The following IHO1 variants were observed in gnomAD, a reference collection of about 807,000 sequenced individuals.
The protein encoded by IHO1 is interactor of HORMAD1 protein 1.
IHO1 carries 13 observed loss-of-function variants against 31.0 expected under a neutral mutation model. The ratio of observed to expected loss-of-function variants is 0.42; its 90% confidence interval spans 0.27 to 0.67. The LOEUF (loss-of-function observed/expected upper bound fraction) is 0.67, where lower values mean the gene tolerates loss of function less well. Among genes scored for constraint, IHO1 ranks in the 30% least tolerant of loss-of-function variants. The pLI is 0.24. For missense variants in IHO1, 599 were observed against 687.5 expected, an observed-to-expected ratio of 0.87 and a Z score of 1.44; for synonymous variants, 221 against 248.4, an observed-to-expected ratio of 0.89 and a Z score of 1.04.
At chr3:49,255,062 C>CAA (rs371843773) in intron 6 of IHO1, among the ~76,000 whole-genome samples, 1 of 128,384 alleles carries the variant, frequency 7.8e-6, no homozygotes. Context: ...GTCTCCGTCT[C>CAA]AAAAAAAAAA....
At chr3:49,204,927 C>T (rs1171820207) in intron 1 of IHO1, among the ~76,000 whole-genome samples, 4 of 151,982 alleles carry the variant, frequency 2.6e-5, no homozygotes, top group Admixed American at 2.6e-4. Flanking sequence ...ACTTAGGAGG[C>T]TGAGGCAGGA....
chr3:49,254,571 CG>C (rs1559454184), intron 6 of IHO1, among the ~76,000 whole-genome samples: 2 of 142,744 alleles, frequency 1.4e-5, no homozygotes, highest in African/African-American at 2.6e-5. Context: ...TGATTGGTTG[CG>C]GGGGGCGGGG....
chr3:49,256,903 GT>G lies in IHO1; in HGVS notation c.1407del (p.Cys469Ter). 1 of 1,614,214 alleles carries G rather than the reference GT, an allele frequency of 6.2e-7. No homozygotes were observed. The highest frequency in any genetic ancestry group is 8.5e-7 in the Non-Finnish European group (1 of 1,180,040). On this transcript the variant is annotated frameshift_variant, in exon 8 of 8. Coordinates refer to ENST00000452691, the MANE Select transcript of IHO1 (RefSeq NM_001135197.2). LOFTEE classifies it low-confidence loss of function (END_TRUNC). The surrounding 1 kb of genome is among the most constrained non-coding windows in gnomAD (Gnocchi z 4.6). Reference sequence around the variant, plus strand: ...CAAAAACAAATCCCAATCCAGACCTGTAAATTCAATTCCAAATATCAGAGTC... The same window carrying G: ...CAAAAACAAATCCCAATCCAGACCTGAAATTCAATTCCAAATATCAGAGTC... ...SKQKQIPIQT[C>X]KFNSKYQSPQ...
intron 4 of IHO1, 32 bp from the exon 5 acceptor site, chr3:49,244,372 A>G: frequency 7.7e-7 from 1 of 1,299,952 alleles, no homozygotes; most frequent in Non-Finnish European, 1.1e-6. Flanking sequence ...TATTTCATAA[A>G]GATTTGTTTT....
upstream of IHO1, among the ~76,000 whole-genome samples, chr3:49,196,627 C>T (rs530698653): frequency 5.9e-5 from 9 of 151,784 alleles, no homozygotes; most frequent in African/African-American, 1.7e-4. Context: ...GGATTACAGG[C>T]GTGCGCCACC....
chr3:49,207,142 A>G (rs1385506230), intron 1 of IHO1, among the ~76,000 whole-genome samples: 2 of 150,140 alleles, frequency 1.3e-5, no homozygotes, highest in Admixed American at 1.3e-4. Flanking sequence ...CATCTGCTTT[A>G]GTTTGTTACT....
chr3:49,246,508 C>T (rs534182242), intron 6 of IHO1, among the ~76,000 whole-genome samples: 12 of 151,718 alleles, frequency 7.9e-5, no homozygotes, highest in Middle Eastern at 3.4e-3. Context: ...ATTAGCCAGG[C>T]GTGGTGGCAG....
chr3:49,211,772 C>CT lies in IHO1; in HGVS notation c.-8dup. On this transcript the variant is annotated 5_prime_UTR_variant, in exon 2 of 8. Transcript: ENST00000452691. Reference sequence around the variant, plus strand: ...CACCTATTCTTTCTAATAGGTATAACTATAAGAAATGAATTTTAATGTCTG... The same window carrying CT: ...CACCTATTCTTTCTAATAGGTATAACTTATAAGAAATGAATTTTAATGTCTG... The CT allele has an allele frequency of 6.9e-7, 1 of 1,445,982 alleles. No individual in the cohort carries two copies. Among genetic ancestry groups the CT allele is most frequent in the Non-Finnish European group, 9.7e-7 (1 of 1,028,088 alleles). 89.6% of individuals were successfully genotyped at this position (1,445,982 alleles called of 1,614,324 possible).
At position 49,200,768 on chromosome 3, in the gene IHO1, A is replaced by G. The variant is rs566367325; in HGVS notation, c.-16+1195A>G. On this transcript the variant is annotated intron_variant, in intron 1 of 7. Transcript: ENST00000452691. ...GCATTTCAGTTTTCATTTACCTTGG[A>G]ATGACCGTGTTCCACCTTAGAACGA... 5.3e-5 allele frequency among the ~76,000 whole-genome samples: 8 copies of G among 152,282 alleles called. No homozygotes were observed. In the South Asian group the frequency reaches 1.7e-3, roughly 32 times the overall value.
At chr3:49,194,671 G>T (rs1234477406), upstream of IHO1, among the ~76,000 whole-genome samples, 1 of 147,332 alleles carries the variant, frequency 6.8e-6, no homozygotes, top group East Asian at 2.1e-4. Context: ...CGAGGTGGGC[G>T]AATTGCTTCA....
intron 1 of IHO1, among the ~76,000 whole-genome samples, chr3:49,204,256 G>T (rs1354279665): frequency 2.0e-5 from 3 of 152,062 alleles, no homozygotes; most frequent in Non-Finnish European, 4.4e-5. Flanking sequence ...TTTTTGGAGG[G>T]GACATTTAAA....
chr3:49,201,235 C>T (rs1314123977), intron 1 of IHO1, among the ~76,000 whole-genome samples: 2 of 151,802 alleles, frequency 1.3e-5, no homozygotes, highest in Admixed American at 6.6e-5. Context: ...CCTCGTGATC[C>T]GCCTTTCTCA....
intron 2 of IHO1, among the ~76,000 whole-genome samples, chr3:49,232,193 C>T (rs1008601650): frequency 1.3e-5 from 2 of 152,198 alleles, no homozygotes; most frequent in African/African-American, 2.4e-5. Context: ...AAACACATTA[C>T]TGACATTCCA....
chr3:49,204,078 C>T (rs1470123962), intron 1 of IHO1, among the ~76,000 whole-genome samples: 1 of 152,134 alleles, frequency 6.6e-6, no homozygotes, highest in South Asian at 2.1e-4. Flanking sequence ...ATCTGGAGCT[C>T]ACTTTTATAA....
Position 49,257,512 on chromosome 3 carries a change from G to A in IHO1, c.*230G>A, listed in dbSNP as rs1177754710. Reference sequence around the variant, plus strand: ...TTTATTGGAATGAAATGTGAAAATGGTGCTGATGAAAACTGAGGCAGCAGC... The same window carrying A: ...TTTATTGGAATGAAATGTGAAAATGATGCTGATGAAAACTGAGGCAGCAGC... On this transcript the variant is annotated 3_prime_UTR_variant, in exon 8 of 8. Coordinates refer to ENST00000452691, the MANE Select transcript of IHO1 (RefSeq NM_001135197.2). The A allele has an allele frequency of 6.1e-6, 3 of 489,352 alleles. No individual in the cohort carries two copies. The highest frequency in any genetic ancestry group is 3.9e-5 in the African/African-American group (2 of 51,536). The allele number at this position is 489,352 out of a possible 1,614,324, so 30.3% of individuals were successfully genotyped here.
intron 1 of IHO1, among the ~76,000 whole-genome samples, chr3:49,204,353 G>A (rs887436862): frequency 1.3e-5 from 2 of 152,160 alleles, no homozygotes; most frequent in Non-Finnish European, 2.9e-5. Flanking sequence ...CTGCAGGGCT[G>A]GCTTCTGGAC....
rs201569793 is a variant in IHO1, at chr3:49,256,934, G to C, written c.1437G>C (p.Gln479His). 1.2e-5 allele frequency: 20 copies of C among 1,614,214 alleles called. No homozygotes were observed. The highest frequency in any genetic ancestry group is 1.7e-5 in the Non-Finnish European group (20 of 1,180,038). Residue 479 changes from glutamine (Q) to histidine (H), a missense_variant, in exon 8 of 8, where the codon CAG becomes CAC. Coordinates refer to ENST00000452691, the MANE Select transcript of IHO1 (RefSeq NM_001135197.2). The surrounding 1 kb of genome is among the most constrained non-coding windows in gnomAD (Gnocchi z 4.6). ...TCAATTCCAAATATCAGAGTCCTCAGCCTGCAATTTCTGTCCCTCAAAGCC... is the reference window on the plus strand; with the variant it reads ...TCAATTCCAAATATCAGAGTCCTCACCCTGCAATTTCTGTCCCTCAAAGCC... ...CKFNSKYQSP[Q>H]PAISVPQSPF...
Position 49,257,181 on chromosome 3 carries a change from G to T in IHO1, c.1684G>T (p.Asp562Tyr). The T allele has an allele frequency of 6.2e-7, 1 of 1,614,188 alleles. No individual in the cohort carries two copies. The highest frequency in any genetic ancestry group is 1.1e-5 in the South Asian group (1 of 91,082). Residue 562 changes from aspartate to tyrosine, a missense_variant, in exon 8 of 8, where the codon GAC (aspartate) becomes TAC (tyrosine). Physicochemically the swap from Asp to Tyr is radical, Grantham distance 160 (BLOSUM62 -3). Transcript: ENST00000452691. ...GGACCACCAGATGAGCTGGTTCAGT[G>T]ACCTCAATCTCGGATGTTCAGAGAC... Reference protein sequence around the residue: ...QGDHQMSWFSDLNLGCSETPL... With the variant: ...QGDHQMSWFSYLNLGCSETPL...
chr3:49,225,283 G>A (rs532039291), intron 2 of IHO1, among the ~76,000 whole-genome samples: 1 of 152,162 alleles, frequency 6.6e-6, no homozygotes, highest in African/African-American at 2.4e-5. Flanking sequence ...GACCAACATG[G>A]TGAAACCCCG....
Sources: allele counts gnomAD v4.1 joint callset (sites outside exome capture counted in the v4.1 genomes callset), GRCh38; gene constraint gnomAD v4.1.1; non-coding constraint Gnocchi (gnomAD v3.1); transcripts MANE v1.5; gene names NCBI Gene and HGNC (gene_info 2026-07-23, HGNC 2026-07-21).